MRPS10: variants seen among roughly 807,000 people sequenced by gnomAD.
The protein encoded by MRPS10 is small ribosomal subunit protein uS10m.
A neutral mutation model predicts 27.5 loss-of-function variants in MRPS10; 23 were observed. The ratio of observed to expected loss-of-function variants is 0.84; its 90% CI spans 0.60 to 1.18. The LOEUF (loss-of-function observed/expected upper bound fraction) is 1.18. Among genes scored for constraint, MRPS10 ranks in the 50% most tolerant of loss-of-function variants. The pLI is 0.00. For missense variants in MRPS10, 237 were observed against 240.1 expected (o/e 0.99, Z 0.09); for synonymous variants, 88 against 84.2 (o/e 1.04, Z -0.25).
At chr6:42,209,494 T>C (rs948332915) in intron 5 of MRPS10, among the ~76,000 whole-genome samples, 1 of 151,904 alleles carries the variant, frequency 6.6e-6, no homozygotes, top group Non-Finnish European at 1.5e-5. Context: ...ACACCTGTAA[T>C]CCCAGCACTT....
chr6:42,214,285 C>T lies in MRPS10; in HGVS notation c.108G>A (p.Leu36=). 1 of 1,612,612 alleles carries T rather than the reference C, an allele frequency of 6.2e-7. No homozygotes were observed. The highest frequency in any genetic ancestry group is 8.5e-7 in the Non-Finnish European group (1 of 1,179,122). ...ACATCCAATTGTATACTTACAGAAG[C>T]AAGCCACCATTTTTGGCTGTATTGC... ...SKGNTAKNGG[L]LLSTNMKWVQ... is the part of the protein sequence containing the mutation. The change falls in exon 2 of 7, where the codon TTG becomes TTA. Residue 36 remains leucine (L), a synonymous_variant. Transcript: ENST00000053468.
intron 4 of MRPS10, among the ~76,000 whole-genome samples, chr6:42,211,479 G>A (rs560232650): frequency 2.0e-5 from 3 of 152,156 alleles, no homozygotes; most frequent in Non-Finnish European, 2.9e-5. Context: ...TCAGGAGTTC[G>A]AGACCAGCCT....
rs776201623 is a variant in MRPS10, at chr6:42,214,178, T to C, written c.128A>G (p.Lys43Arg). The C allele has an allele frequency of 1.9e-6, 3 of 1,613,364 alleles. No homozygotes were observed. In the African/African-American group the frequency reaches 4.0e-5, roughly 22 times the overall value. Reference sequence around the variant, plus strand: ...GTGTAGGTTTGAAAACTGTACCCACTTCATATTGGTACTGCTATGTGTGGG... The same window carrying C: ...GTGTAGGTTTGAAAACTGTACCCACCTCATATTGGTACTGCTATGTGTGGG... ...NGGLLLSTNMKWVQFSNLHVD... is the reference protein window; with the variant it reads ...NGGLLLSTNMRWVQFSNLHVD... The change falls in exon 3 of 7, where the codon AAG (lysine) becomes AGG (arginine). Residue 43 changes from lysine (K) to arginine (R), a missense_variant. Physicochemically the swap from Lys to Arg is conservative, Grantham distance 26 (BLOSUM62 2). Coordinates refer to ENST00000053468, the MANE Select transcript of MRPS10 (RefSeq NM_018141.4).
At chr6:42,214,236 A>G (rs766158928) in intron 2 of MRPS10, 44 bp from the exon 3 acceptor site, 1 of 1,604,926 alleles carries the variant, frequency 6.2e-7, no homozygotes, top group Non-Finnish European at 8.5e-7. Context: ...AAATAGCACA[A>G]GAACCTATTT....
At position 42,206,873 on chromosome 6, in the gene MRPS10, G is replaced by T. The variant is rs8850; in HGVS notation, c.*1416C>A. The T allele has an allele frequency of 0.54, 82,720 of 151,898 alleles. 24,450 individuals carry two copies. The highest frequency in any genetic ancestry group is 0.83 in the East Asian group (4,258 of 5,156). 9.4% of individuals were successfully genotyped at this position (151,898 alleles called of 1,614,324 possible). A position where few individuals can be genotyped will look rare whatever the true frequency, so the allele number is the denominator to read the frequency against. ...GTAACGTAAGTCTGATACACAAGCA[G>T]TATGTATTCAACACACTGATACCTG... On this transcript the variant is annotated 3_prime_UTR_variant, in exon 7 of 7. Transcript: ENST00000053468.
intron 4 of MRPS10, 107 bp downstream of exon 4, chr6:42,211,674 A>C (rs1768778553): frequency 2.0e-5 from 3 of 146,504 alleles, no homozygotes; most frequent in Non-Finnish European, 2.7e-5. Context: ...ACTCTGTCTC[A>C]AAAAAAAAAA....
In MRPS10 at chr6:42,215,068, A is replaced by T. The variant is rs13212140; in HGVS notation, c.49-724T>A. On this transcript the variant is annotated intron_variant, in intron 1 of 6. Transcript: ENST00000053468. ...AAGTGTAACCTGAGAAAGTGGAAAC[A>T]CAATAGAATCCTTAAAAACACAATG... Among the ~76,000 whole-genome samples the T allele has an allele frequency of 5.9e-5, 9 of 152,288 alleles. No homozygotes were observed. The East Asian group carries it at 1.7e-3, about 29-fold the overall frequency.
intron 1 of MRPS10, among the ~76,000 whole-genome samples, 173 bp from the exon 2 acceptor site, chr6:42,214,517 TAAA>T (rs925296568): frequency 7.6e-5 from 11 of 145,168 alleles, no homozygotes; most frequent in African/African-American, 2.8e-4. Flanking sequence ...GAGCTGATGA[TAAA>T]AAAAAAAGCA....
chr6:42,208,999 GTTTTTTGTT>G, intron 5 of MRPS10, 52 bp from the exon 6 acceptor site: 1 of 1,060,270 alleles, frequency 9.4e-7, no homozygotes, highest in Non-Finnish European at 1.3e-6. Context: ...TTAAAGCACG[GTTTTTTGTT>G]TTTTTTTTTG....
Position 42,212,321 on chromosome 6 carries a change from C to A in MRPS10, c.187-404G>T, listed in dbSNP as rs960887417. Among the ~76,000 whole-genome samples, 73 of 152,332 alleles carry A rather than the reference C, an allele frequency of 4.8e-4. No homozygotes were observed. In the Middle Eastern group the frequency reaches 0.01, roughly 21 times the overall value. On this transcript the variant is annotated intron_variant, in intron 3 of 6. Coordinates refer to ENST00000053468, the MANE Select transcript of MRPS10 (RefSeq NM_018141.4). The stretch of plus-strand genomic sequence containing the variant: ...ACAACGGACAAATCATATCGTCTCA[C>A]TGCACATTAGTTTCCTCACATATGA...
At position 42,214,279 on chromosome 6, in the gene MRPS10, C is replaced by A; in HGVS notation, c.113+1G>T. On this transcript the variant is annotated splice_donor_variant, in intron 2 of 6. Transcript: ENST00000053468. LOFTEE classifies it high-confidence loss of function. Reference sequence around the variant, plus strand: ...TTTAGCACATCCAATTGTATACTTACAGAAGCAAGCCACCATTTTTGGCTG... The same window carrying A: ...TTTAGCACATCCAATTGTATACTTAAAGAAGCAAGCCACCATTTTTGGCTG... 1.2e-6 allele frequency: 2 copies of A among 1,612,334 alleles called. No homozygotes were observed. The highest frequency in any genetic ancestry group is 1.7e-6 in the Non-Finnish European group (2 of 1,178,870).
At chr6:42,208,797 A>G in intron 6 of MRPS10, 61 bp downstream of exon 6, 1 of 1,172,592 alleles carries the variant, frequency 8.5e-7, no homozygotes, top group Non-Finnish European at 1.2e-6. Context: ...ATGTATCAAA[A>G]CAACAATACA....
At chr6:42,212,442 T>C (rs923086892) in intron 3 of MRPS10, among the ~76,000 whole-genome samples, 2 of 152,230 alleles carry the variant, frequency 1.3e-5, no homozygotes, top group Non-Finnish European at 2.9e-5. Context: ...AACATTATTA[T>C]ACAAAGCCAA....
intron 4 of MRPS10, among the ~76,000 whole-genome samples, 187 bp from the exon 5 acceptor site, chr6:42,210,783 C>A (rs1768751165): frequency 6.6e-6 from 1 of 152,250 alleles, no homozygotes; most frequent in Admixed American, 6.5e-5. Context: ...ACACTGCAGA[C>A]AGCAATAGAA....
chr6:42,209,241 G>A (rs1005387579), intron 5 of MRPS10, among the ~76,000 whole-genome samples: 6 of 151,898 alleles, frequency 4.0e-5, no homozygotes, highest in African/African-American at 1.2e-4. Flanking sequence ...CAAGTGATCC[G>A]CCTGCCTTGG....
At chr6:42,215,770 C>A (rs1020441874) in intron 1 of MRPS10, among the ~76,000 whole-genome samples, 4 of 152,080 alleles carry the variant, frequency 2.6e-5, no homozygotes, top group African/African-American at 9.7e-5. Context: ...CCTCTCCTTA[C>A]CCAAGATAGA....
At chr6:42,209,371 T>C (rs1768704646) in intron 5 of MRPS10, among the ~76,000 whole-genome samples, 1 of 152,096 alleles carries the variant, frequency 6.6e-6, no homozygotes, top group Admixed American at 6.5e-5. Context: ...TTATAAGATA[T>C]AGTTAATATA....
intron 1 of MRPS10, 131 bp from the exon 2 acceptor site, chr6:42,214,475 A>G (rs974037995): frequency 1.1e-5 from 6 of 525,552 alleles, no homozygotes; most frequent in East Asian, 3.3e-5. Context: ...AAATGGCCAA[A>G]TTAGATTGAA....
chr6:42,210,662 T>A, intron 4 of MRPS10, 66 bp from the exon 5 acceptor site: 1 of 1,573,114 alleles, frequency 6.4e-7, no homozygotes, highest in South Asian at 1.2e-5. Context: ...CATAATTTTG[T>A]AGGTCAGACT....
Sources: allele counts gnomAD v4.1 joint callset (sites outside exome capture counted in the v4.1 genomes callset), GRCh38; gene constraint gnomAD v4.1.1; transcripts MANE v1.5; gene names NCBI Gene and HGNC (gene_info 2026-07-23, HGNC 2026-07-21).